PDSS2: variants seen among roughly 807,000 people sequenced by gnomAD.
PDSS2 encodes decaprenyl diphosphate synthase subunit 2.
In PDSS2, 31 loss-of-function variants were observed where a neutral mutation model predicts 44.5. The ratio of observed to expected loss-of-function variants is 0.70; its 90% confidence interval spans 0.52 to 0.94. The LOEUF is 0.94. Ranked by LOEUF, PDSS2 falls within the 40% of genes least tolerant of loss-of-function variation. PDSS2 has a pLI of 0.00. For missense variants in PDSS2, 452 were observed against 482.2 expected (o/e 0.94, Z 0.59); for synonymous variants, 157 against 180.3 (o/e 0.87, Z 1.03).
At chr6:107,160,836 G>A (rs1447050554) in intron 7 of PDSS2, among the ~76,000 whole-genome samples, 1 of 151,828 alleles carries the variant, frequency 6.6e-6, no homozygotes, top group African/African-American at 2.4e-5. Flanking sequence ...TGCCTCCCAA[G>A]TTCAAGAGAT....
At chr6:107,403,151 C>T (rs767296058) in intron 1 of PDSS2, among the ~76,000 whole-genome samples, 17 of 152,186 alleles carry the variant, frequency 1.1e-4, no homozygotes, top group Non-Finnish European at 1.5e-4. Flanking sequence ...TGGGTAAATA[C>T]TCCTGTTCCA....
At chr6:107,281,062 T>C (rs996044727) in intron 2 of PDSS2, among the ~76,000 whole-genome samples, 1 of 152,148 alleles carries the variant, frequency 6.6e-6, no homozygotes, top group Admixed American at 6.5e-5. Context: ...GTTCCTGATA[T>C]AAGGGAACAG....
At chr6:107,203,578 T>C (rs546529682) in intron 6 of PDSS2, among the ~76,000 whole-genome samples, 2 of 152,204 alleles carry the variant, frequency 1.3e-5, no homozygotes, top group Non-Finnish European at 1.5e-5. Flanking sequence ...AAACTTTCAA[T>C]GTCTGCTTCA....
intron 1 of PDSS2, among the ~76,000 whole-genome samples, chr6:107,419,423 G>A (rs1261280511): frequency 6.6e-6 from 1 of 152,054 alleles, no homozygotes; most frequent in Non-Finnish European, 1.5e-5. Context: ...GAGATATAGT[G>A]CTCCAAGAAA....
At chr6:107,212,054 G>C (rs1356967226) in intron 5 of PDSS2, 55 bp downstream of exon 5, 2 of 1,432,654 alleles carry the variant, frequency 1.4e-6, no homozygotes, top group African/African-American at 1.4e-5. Flanking sequence ...AAGGTTTCTT[G>C]TGTGTCGTTT....
intron 1 of PDSS2, among the ~76,000 whole-genome samples, chr6:107,424,036 C>CATT (rs1554279679): frequency 0.37 from 33,675 of 89,892 alleles, 6,560 homozygotes; most frequent in Non-Finnish European, 0.48. Context: ...TATCTTGCAT[C>CATT]TTTTTTTTTT....
chr6:107,322,695 C>T (rs1777419010), intron 2 of PDSS2, among the ~76,000 whole-genome samples: 1 of 152,010 alleles, frequency 6.6e-6, no homozygotes, highest in South Asian at 2.1e-4. Flanking sequence ...AATACAAAAA[C>T]ATTAGCCAGG....
chr6:107,172,583 A>T (rs1410125098), intron 7 of PDSS2, among the ~76,000 whole-genome samples: 3 of 152,120 alleles, frequency 2.0e-5, no homozygotes, highest in Non-Finnish European at 4.4e-5. Flanking sequence ...TAATAATTTT[A>T]AAAAAGAGGA....
intron 2 of PDSS2, among the ~76,000 whole-genome samples, chr6:107,314,827 A>G (rs2430466): frequency 0.76 from 116,348 of 152,212 alleles, 45,632 homozygotes; most frequent in East Asian, 0.97. Flanking sequence ...CTAACACAGC[A>G]TATTAACAAA....
chr6:107,177,880 A>AT (rs1450803287), intron 7 of PDSS2, among the ~76,000 whole-genome samples: 3 of 152,230 alleles, frequency 2.0e-5, no homozygotes, highest in African/African-American at 2.4e-5. Context: ...ATTAAAAAGA[A>AT]TACTGTGGGA....
chr6:107,393,067 T>C (rs1378280911), intron 1 of PDSS2, among the ~76,000 whole-genome samples: 1 of 152,184 alleles, frequency 6.6e-6, no homozygotes, highest in African/African-American at 2.4e-5. Flanking sequence ...CTGCTCTATA[T>C]TACTGCCTTC....
intron 7 of PDSS2, among the ~76,000 whole-genome samples, chr6:107,164,694 G>T (rs1315244812): frequency 6.6e-6 from 1 of 152,180 alleles, no homozygotes; most frequent in Non-Finnish European, 1.5e-5. Flanking sequence ...TAATGGGATG[G>T]CTGGGTCAAA....
At chr6:107,349,628 A>C (rs577574021) in intron 1 of PDSS2, among the ~76,000 whole-genome samples, 1 of 151,968 alleles carries the variant, frequency 6.6e-6, no homozygotes, top group East Asian at 1.9e-4. Flanking sequence ...AGACACCTGT[A>C]ATCCCAGCTA....
intron 7 of PDSS2, among the ~76,000 whole-genome samples, chr6:107,168,302 C>T (rs1197825061): frequency 6.6e-6 from 1 of 152,100 alleles, no homozygotes; most frequent in Non-Finnish European, 1.5e-5. Context: ...ATTGCAACCC[C>T]TGCCTTTTTT....
intron 4 of PDSS2, among the ~76,000 whole-genome samples, chr6:107,236,003 GA>G (rs1176471262): frequency 1.3e-5 from 2 of 151,570 alleles, no homozygotes; most frequent in African/African-American, 4.8e-5. Context: ...AGGATAAAAG[GA>G]AAGTCAGAAA....
intron 1 of PDSS2, among the ~76,000 whole-genome samples, chr6:107,339,895 A>T (rs891547844): frequency 6.6e-6 from 1 of 152,202 alleles, no homozygotes; most frequent in African/African-American, 2.4e-5. Context: ...TATTTTATTA[A>T]GCAGCCAGTG....
At chr6:107,288,303 C>CA (rs551676711) in intron 2 of PDSS2, among the ~76,000 whole-genome samples, 1 of 151,284 alleles carries the variant, frequency 6.6e-6, no homozygotes, top group Non-Finnish European at 1.5e-5. Context: ...TTGGTAAGTG[C>CA]AAAAAAAATA....
chr6:107,161,217 A>G (rs1771114521), intron 7 of PDSS2, among the ~76,000 whole-genome samples: 1 of 150,908 alleles, frequency 6.6e-6, no homozygotes, highest in South Asian at 2.2e-4. Context: ...GCGGTGGCTC[A>G]TGCCTGTAAT....
chr6:107,335,097 G>A (rs1056068970), intron 1 of PDSS2, among the ~76,000 whole-genome samples: 2 of 150,462 alleles, frequency 1.3e-5, no homozygotes, highest in Admixed American at 6.6e-5. Flanking sequence ...GGGTGCTGAG[G>A]CTGCAGTGAG....
Sources: allele counts gnomAD v4.1 joint callset (sites outside exome capture counted in the v4.1 genomes callset), GRCh38; gene constraint gnomAD v4.1.1; transcripts MANE v1.5; gene names NCBI Gene and HGNC (gene_info 2026-07-23, HGNC 2026-07-21).